The following TTBK1 variants were observed in gnomAD, a reference collection of about 807,000 sequenced individuals.
TTBK1 encodes tau-tubulin kinase 1.
TTBK1 carries 34 observed loss-of-function variants against 108.5 expected under a neutral mutation model. The observed-to-expected ratio is 0.31, with a 90% CI of 0.24 to 0.42. TTBK1 has a LOEUF of 0.42. Ranked by LOEUF, TTBK1 falls within the 10% of genes least tolerant of loss-of-function variation. The pLI is 1.00. For missense variants in TTBK1, 1,539 were observed against 1,826.0 expected (o/e 0.84, Z 2.86); for synonymous variants, 809 against 795.1 (o/e 1.02, Z -0.29).
In TTBK1 at chr6:43,282,991, G is replaced by A. The variant is rs571247018; in HGVS notation, c.2251G>A (p.Glu751Lys). 1 of 1,544,392 alleles carries A rather than the reference G, an allele frequency of 6.5e-7. No individual in the cohort carries two copies. Among genetic ancestry groups the A allele is most frequent in the Non-Finnish European group, 8.7e-7 (1 of 1,149,442 alleles). The change falls in exon 14 of 15, where the codon GAA becomes AAA. Residue 751 changes from glutamate (E) to lysine (K), a missense_variant. Transcript: ENST00000259750. This position sits in a 1 kb window ranked among gnomAD's most constrained non-coding sequence, Gnocchi z 5.4. ...DEEEEEEDEE[E>K]EEEEEEEEEE... is the part of the protein sequence containing the mutation. ...GGAAGAGGAAGAAGAGGATGAGGAA[G>A]AAGAAGAGGAGGAAGAGGAAGAGGA...
chr6:43,262,200 G>A (rs1392696136), intron 12 of TTBK1, among the ~76,000 whole-genome samples: 1 of 152,178 alleles, frequency 6.6e-6, no homozygotes, highest in African/African-American at 2.4e-5. Flanking sequence ...GGCCTTGAGT[G>A]TAAACCAAGG....
In TTBK1 at chr6:43,246,621, C is replaced by CA; in HGVS notation, c.-39dup. 1 of 1,535,910 alleles carries CA rather than the reference C, an allele frequency of 6.5e-7. No individual in the cohort carries two copies. The highest frequency in any genetic ancestry group is 8.9e-7 in the Non-Finnish European group (1 of 1,127,928). On this transcript the variant is annotated 5_prime_UTR_variant, in exon 2 of 15. Transcript: ENST00000259750. ...CACTCCCCTAGGTAGATGGCCCCCT[C>CA]AGGGCAGGCCCGGCGGACACCCCTC...
intron 14 of TTBK1, 57 bp downstream of exon 14, chr6:43,284,369 G>GGAGGGGCTTCTCCAGAACCAAGGT (rs11269387): frequency 0.23 from 335,371 of 1,478,564 alleles, 42,465 homozygotes; most frequent in African/African-American, 0.47. Flanking sequence ...GCCTCCACCA[G>GGAGGGGCTTCTCCAGAACCAAGGT]GAGGGGCTTC....
At position 43,253,618 on chromosome 6, in the gene TTBK1, G is replaced by T. The variant is rs747263255; in HGVS notation, c.381G>T (p.Thr127=). Residue 127 remains threonine (T), a synonymous_variant, in exon 5 of 15, where the codon ACG becomes ACT. Transcript: ENST00000259750. The surrounding 1 kb of genome is among the most constrained non-coding windows in gnomAD (Gnocchi z 5.8). ...LRRSQPRGTF[T]LSTTLRLGKQ... ...GTAGCCAGCCGCGAGGCACCTTCAC[G>T]CTGAGCACCACATTGCGGCTGGGCA... 6.2e-7 allele frequency: 1 copy of T among 1,613,528 alleles called. No individual in the cohort carries two copies. Among genetic ancestry groups the T allele is most frequent in the Non-Finnish European group, 8.5e-7 (1 of 1,179,922 alleles).
intron 6 of TTBK1, 109 bp from the exon 7 acceptor site, chr6:43,254,940 C>T (rs1777345488): frequency 8.8e-7 from 1 of 1,140,624 alleles, no homozygotes; most frequent in Admixed American, 1.7e-5. Context: ...GCCCACCTCC[C>T]CAGCCAGGGG....
At chr6:43,262,406 G>A (rs1466293594) in intron 12 of TTBK1, among the ~76,000 whole-genome samples, 2 of 152,188 alleles carry the variant, frequency 1.3e-5, no homozygotes, top group African/African-American at 4.8e-5. Context: ...CCACTGGCGG[G>A]TGTGAGCACT....
At chr6:43,249,855 G>T (rs553206237) in intron 2 of TTBK1, among the ~76,000 whole-genome samples, 1 of 152,246 alleles carries the variant, frequency 6.6e-6, no homozygotes, top group South Asian at 2.1e-4. Flanking sequence ...GGGATTACAG[G>T]CGTGAGGCAC....
rs1398408703 is a variant in TTBK1 at position 43,285,763 on chromosome 6, A to G, written c.*387A>G. On this transcript the variant is annotated 3_prime_UTR_variant, in exon 15 of 15. Coordinates refer to ENST00000259750, the MANE Select transcript of TTBK1 (RefSeq NM_032538.3). The surrounding 1 kb of genome is among the most constrained non-coding windows in gnomAD (Gnocchi z 4.7). ...GCCCACCAGGCCTAGGCTACGCTCC[A>G]TGCTCCCCCAGCAATCTCTGCCTAC... 1 of 161,818 alleles carries G rather than the reference A, an allele frequency of 6.2e-6. No homozygotes were observed. The highest frequency in any genetic ancestry group is 6.4e-5 in the Admixed American group (1 of 15,508). The allele number at this position is 161,818 out of a possible 1,614,324, so 10.0% of individuals were successfully genotyped here.
At chr6:43,258,437 C>T (rs544708221) in intron 10 of TTBK1, among the ~76,000 whole-genome samples, 3 of 152,198 alleles carry the variant, frequency 2.0e-5, no homozygotes, top group Non-Finnish European at 4.4e-5. Flanking sequence ...AGGGGCTCTC[C>T]ACCCAGCCCC....
At chr6:43,268,075 G>A (rs1413443673) in intron 13 of TTBK1, among the ~76,000 whole-genome samples, 2 of 152,236 alleles carry the variant, frequency 1.3e-5, no homozygotes, top group East Asian at 3.8e-4. Context: ...CGGTCTCACA[G>A]AGGTGATATT....
intron 12 of TTBK1, among the ~76,000 whole-genome samples, chr6:43,262,418 G>C (rs1393413709): frequency 6.6e-6 from 1 of 152,184 alleles, no homozygotes. Context: ...GTGAGCACTG[G>C]AGAGGCAAGA....
At chr6:43,245,436 C>T (rs1200065240) in intron 1 of TTBK1, among the ~76,000 whole-genome samples, 1 of 152,128 alleles carries the variant, frequency 6.6e-6, no homozygotes, top group Non-Finnish European at 1.5e-5. Flanking sequence ...TCTTCTGGCC[C>T]CTTGCCTACA....
chr6:43,272,019 CA>C, intron 13 of TTBK1: 1 of 985,400 alleles, frequency 1.0e-6, no homozygotes, highest in Non-Finnish European at 1.2e-6. Context: ...GGACAGAAAA[CA>C]AAAAGCACAA....
chr6:43,278,459 G>C (rs1240086319), intron 13 of TTBK1, among the ~76,000 whole-genome samples: 1 of 152,156 alleles, frequency 6.6e-6, no homozygotes, highest in Admixed American at 6.5e-5. Context: ...AATCACTAAG[G>C]AGCTTTAAAA....
At position 43,259,760 on chromosome 6, in the gene TTBK1, G is replaced by A. The variant is rs113223901; in HGVS notation, c.1424+54G>A. 8.1e-5 allele frequency: 118 copies of A among 1,462,746 alleles called. No homozygotes were observed. In the African/African-American group the frequency reaches 9.8e-4, roughly 12 times the overall value. 90.6% of individuals were successfully genotyped at this position (1,462,746 alleles called of 1,614,324 possible). A position where few individuals can be genotyped will look rare whatever the true frequency, so the allele number is the denominator to read the frequency against. On this transcript the variant is annotated intron_variant, in intron 12 of 14. Coordinates refer to ENST00000259750, the MANE Select transcript of TTBK1 (RefSeq NM_032538.3). This position sits in a 1 kb window ranked among gnomAD's most constrained non-coding sequence, Gnocchi z 6.7. ...GGCCCAAGGCCCTCTCCGCCTTCACGTGGCTGGTCTGGAGGAAAAGTTAGA... is the reference window on the plus strand; with the variant it reads ...GGCCCAAGGCCCTCTCCGCCTTCACATGGCTGGTCTGGAGGAAAAGTTAGA...
At chr6:43,270,931 G>C in intron 13 of TTBK1, 2 of 985,458 alleles carry the variant, frequency 2.0e-6, no homozygotes, top group East Asian at 1.1e-4. Flanking sequence ...GTAGGTGCTC[G>C]GTCAGCCCCA....
intron 2 of TTBK1, among the ~76,000 whole-genome samples, chr6:43,251,091 C>T (rs1777226033): frequency 6.6e-6 from 1 of 152,220 alleles, no homozygotes; most frequent in African/African-American, 2.4e-5. Context: ...AAGTTCCCAC[C>T]CAGCATTCTG....
Position 43,243,787 on chromosome 6 carries a change from C to T in TTBK1, c.-55+79C>T, listed in dbSNP as rs1777017150. On this transcript the variant is annotated intron_variant, in intron 1 of 14. Coordinates refer to ENST00000259750, the MANE Select transcript of TTBK1 (RefSeq NM_032538.3). The surrounding 1 kb of genome is among the most constrained non-coding windows in gnomAD (Gnocchi z 5.5). The stretch of plus-strand genomic sequence containing the variant: ...AGGGGGCTCCGCCTGGCTCGCCTCC[C>T]AGCGCAGCCTTCTTGGGCTCCCCTC... 1.3e-5 allele frequency: 2 copies of T among 152,218 alleles called. No homozygotes were observed. Among genetic ancestry groups the T allele is most frequent in the African/African-American group, 4.8e-5 (2 of 41,432 alleles). 9.4% of individuals were successfully genotyped at this position (152,218 alleles called of 1,614,324 possible). A position where few individuals can be genotyped will look rare whatever the true frequency, so the allele number is the denominator to read the frequency against.
At chr6:43,284,359 G>A (rs776814762) in intron 14 of TTBK1, 47 bp downstream of exon 14, 2 of 1,436,754 alleles carry the variant, frequency 1.4e-6, no homozygotes, top group Non-Finnish European at 1.8e-6. Context: ...GTGGCCACAG[G>A]CCTCCACCAG....
Sources: gnomAD v4.1 joint callset for allele counts (sites outside exome capture counted in the v4.1 genomes callset) on GRCh38, gnomAD v4.1.1 for gene constraint, Gnocchi (gnomAD v3.1) non-coding constraint, MANE v1.5 for transcripts, NCBI Gene and HGNC (gene_info 2026-07-23, HGNC 2026-07-21) for gene names.